Variants in SLC19A3 observed in about 807,000 individuals in gnomAD.
SLC19A3 encodes the protein solute carrier family 19 member 3, also known as thiamine transporter 2.
In SLC19A3, 31 loss-of-function variants were observed where a neutral mutation model predicts 40.2. That is an observed-to-expected ratio of 0.77 (90% CI 0.58 to 1.04). The LOEUF is 1.04. SLC19A3 is among the 50% of genes least tolerant of loss of function. The probability of loss-of-function intolerance (pLI) is 0.00; values close to 1 mark genes in which losing one functional copy is unlikely to be tolerated. For missense variants in SLC19A3, 592 were observed against 596.7 expected (o/e 0.99, Z 0.08); for synonymous variants, 212 against 227.5 (o/e 0.93, Z 0.61).
rs899910654 is a variant in SLC19A3, at chr2:227,703,902, C to T, written c.-2-1582G>A. Among the ~76,000 whole-genome samples, 4 of 152,138 alleles carry T rather than the reference C, an allele frequency of 2.6e-5. No homozygotes were observed. The highest frequency in any genetic ancestry group is 9.7e-5 in the African/African-American group (4 of 41,428). On this transcript the variant is annotated intron_variant, in intron 1 of 5. Coordinates refer to ENST00000644224, the MANE Select transcript of SLC19A3 (RefSeq NM_025243.4). This position sits in a 1 kb window ranked among gnomAD's most constrained non-coding sequence, Gnocchi z 4.7. ...ACAGTGATCCACAGGCTGCTAAAAG[C>T]CTGCTGGATTATCTATCTTTTTATT...
chr2:227,711,276 T>C (rs558381456), intron 1 of SLC19A3, among the ~76,000 whole-genome samples: 149 of 151,960 alleles, frequency 9.8e-4, no homozygotes, highest in African/African-American at 3.5e-3. Context: ...AAGAATTAGC[T>C]GGGCATGGTG....
intron 4 of SLC19A3, among the ~76,000 whole-genome samples, chr2:227,694,709 A>G (rs1219723629): frequency 6.6e-6 from 1 of 152,234 alleles, no homozygotes; most frequent in Non-Finnish European, 1.5e-5. Flanking sequence ...AGAAAAAAGT[A>G]GAAGCAAAAA....
At chr2:227,695,508 T>G in intron 4 of SLC19A3, 1 of 228,754 alleles carries the variant, frequency 4.4e-6, no homozygotes, top group South Asian at 6.0e-5. Context: ...AGGTTGAGGT[T>G]GGGGACTCAC....
intron 1 of SLC19A3, among the ~76,000 whole-genome samples, chr2:227,708,138 C>T (rs796232040): frequency 1.4e-4 from 22 of 152,268 alleles, no homozygotes; most frequent in African/African-American, 4.8e-4. Flanking sequence ...TTGAAAAAAA[C>T]TCTCTTGCTA....
Position 227,685,040 on chromosome 2 carries a change from C to G in SLC19A3, c.*2357G>C, listed in dbSNP as rs1224422341. ...GAAAAAGAATAGCGGCCATTCCTTCCTTGCCTTTAATGTAAGTAGGAATGT... is the reference window on the plus strand; with the variant it reads ...GAAAAAGAATAGCGGCCATTCCTTCGTTGCCTTTAATGTAAGTAGGAATGT... On this transcript the variant is annotated 3_prime_UTR_variant, in exon 6 of 6. Transcript: ENST00000644224. The G allele has an allele frequency of 6.7e-6, 1 of 148,768 alleles. No individual in the cohort carries two copies. Among genetic ancestry groups the G allele is most frequent in the Non-Finnish European group, 1.5e-5 (1 of 67,404 alleles). 9.2% of individuals were successfully genotyped at this position (148,768 alleles called of 1,614,324 possible).
In SLC19A3 at chr2:227,690,960, C is replaced by T. The variant is rs548983485; in HGVS notation, c.1173-2653G>A. Among the ~76,000 whole-genome samples the T allele has an allele frequency of 2.6e-5, 4 of 152,178 alleles. No homozygotes were observed. In the East Asian group the frequency reaches 7.7e-4, roughly 29 times the overall value. ...TACAGAACTTTTCATCCAATGGCCA[C>T]AGAATACACATTGTTCTCAGCATAT... On this transcript the variant is annotated intron_variant, in intron 4 of 5. Transcript: ENST00000644224.
At position 227,687,158 on chromosome 2, in the gene SLC19A3, G is replaced by C; in HGVS notation, c.*239C>G. On this transcript the variant is annotated 3_prime_UTR_variant, in exon 6 of 6. Coordinates refer to ENST00000644224, the MANE Select transcript of SLC19A3 (RefSeq NM_025243.4). Reference sequence around the variant, plus strand: ...AATTTTCCAGCTGCTACTAGTCACAGGGGGTCCCCAATATGGGTTGTTTAA... The same window carrying C: ...AATTTTCCAGCTGCTACTAGTCACACGGGGTCCCCAATATGGGTTGTTTAA... 1 of 416,378 alleles carries C rather than the reference G, an allele frequency of 2.4e-6. No homozygotes were observed. Among genetic ancestry groups the C allele is most frequent in the Non-Finnish European group, 4.3e-6 (1 of 233,940 alleles). 25.8% of individuals were successfully genotyped at this position (416,378 alleles called of 1,614,324 possible). A position where few individuals can be genotyped will look rare whatever the true frequency, so the allele number is the denominator to read the frequency against.
At chr2:227,706,313 A>T in intron 1 of SLC19A3, 1 of 1,231,634 alleles carries the variant, frequency 8.1e-7, no homozygotes, top group Non-Finnish European at 1.0e-6. Flanking sequence ...CTGAGTTCAT[A>T]CCTGTGAAAG....
At chr2:227,695,442 A>C (rs1477281968) in intron 4 of SLC19A3, 1 of 187,048 alleles carries the variant, frequency 5.3e-6, no homozygotes, top group East Asian at 1.5e-4. Context: ...ATCTCTACAA[A>C]ATACGAAAAA....
chr2:227,687,253 GT>G lies in SLC19A3; in HGVS notation c.*143del, dbSNP rs1695049875. ...CATAGAGAACTCATCTAAAACTGAG[GT>G]TTTGTTGTGGTTTTGAAAGGTCCAT... On this transcript the variant is annotated 3_prime_UTR_variant, in exon 6 of 6. Transcript: ENST00000644224. The G allele has an allele frequency of 2.5e-6, 2 of 804,254 alleles. No homozygotes were observed. 49.8% of individuals were successfully genotyped at this position (804,254 alleles called of 1,614,324 possible).
At chr2:227,707,477 G>T (rs902086724) in intron 1 of SLC19A3, among the ~76,000 whole-genome samples, 2 of 151,970 alleles carry the variant, frequency 1.3e-5, no homozygotes, top group African/African-American at 4.8e-5. Flanking sequence ...CAGCTACCTG[G>T]GAGGCTGAGG....
intron 4 of SLC19A3, among the ~76,000 whole-genome samples, chr2:227,690,900 T>C (rs569291363): frequency 6.6e-6 from 1 of 152,028 alleles, no homozygotes; most frequent in Non-Finnish European, 1.5e-5. Context: ...TCAGACTTAA[T>C]CTGCACTATA....
intron 1 of SLC19A3, among the ~76,000 whole-genome samples, chr2:227,708,552 T>C (rs1003535408): frequency 2.6e-4 from 35 of 135,592 alleles, no homozygotes; most frequent in African/African-American, 8.8e-4. Context: ...AGTGAGACCC[T>C]GTCTCTATCA....
chr2:227,689,436 G>C (rs1695138367), intron 4 of SLC19A3, among the ~76,000 whole-genome samples: 1 of 152,176 alleles, frequency 6.6e-6, no homozygotes, highest in Admixed American at 6.6e-5. Context: ...AGAAATTTTA[G>C]AACCAGGGAG....
chr2:227,714,630 C>T, intron 1 of SLC19A3: 1 of 983,408 alleles, frequency 1.0e-6, no homozygotes, highest in Non-Finnish European at 1.2e-6. Context: ...TACGCAGAAG[C>T]CCATCCACTT....
At chr2:227,701,350 G>C (rs1353392328) in intron 2 of SLC19A3, 1 of 203,470 alleles carries the variant, frequency 4.9e-6, no homozygotes, top group Non-Finnish European at 1.0e-5. Context: ...GGCCGGTGGC[G>C]GTGGCTCACG....
At chr2:227,714,956 A>G (rs1339735904) in intron 1 of SLC19A3, among the ~76,000 whole-genome samples, 1 of 151,464 alleles carries the variant, frequency 6.6e-6, no homozygotes, top group Admixed American at 6.6e-5. Context: ...AGTAGCTGAG[A>G]CCACAGGCAC....
chr2:227,692,084 GC>G (rs1695253909), intron 4 of SLC19A3, among the ~76,000 whole-genome samples: 2 of 152,002 alleles, frequency 1.3e-5, no homozygotes, highest in Non-Finnish European at 2.9e-5. Context: ...ATAATAAAAA[GC>G]CTCCCACTAA....
At chr2:227,710,044 T>G (rs1332041125) in intron 1 of SLC19A3, among the ~76,000 whole-genome samples, 1 of 152,144 alleles carries the variant, frequency 6.6e-6, no homozygotes, top group Non-Finnish European at 1.5e-5. Flanking sequence ...GCATGCACAG[T>G]TCACAGTAGG....
Sources: allele counts gnomAD v4.1 joint callset (sites outside exome capture counted in the v4.1 genomes callset), GRCh38; gene constraint gnomAD v4.1.1; non-coding constraint Gnocchi (gnomAD v3.1); transcripts MANE v1.5; gene names NCBI Gene and HGNC (gene_info 2026-07-23, HGNC 2026-07-21).